Variants in MCTP1 observed in about 807,000 individuals in gnomAD.
MCTP1 encodes the protein multiple C2 and transmembrane domain containing 1.
A neutral mutation model predicts 120.6 loss-of-function variants in MCTP1; 69 were observed. The ratio of observed to expected loss-of-function variants is 0.57; its 90% confidence interval spans 0.47 to 0.70. The LOEUF (loss-of-function observed/expected upper bound fraction) is 0.70. Among genes scored for constraint, MCTP1 ranks in the 30% least tolerant of loss-of-function variants. MCTP1 has a pLI of 0.00. For missense variants in MCTP1, 1,203 were observed against 1,248.8 expected (o/e 0.96, Z 0.55); for synonymous variants, 529 against 493.1 (o/e 1.07, Z -0.96).
Position 94,912,875 on chromosome 5 carries a change from G to T in MCTP1, c.1452C>A (p.Ala484=). The change falls in exon 9 of 23, where the codon GCC becomes GCA. Residue 484 remains alanine, a synonymous_variant. Transcript: ENST00000515393. ...ITLIEGRDLK[A]MDSNGLSDPY... ...GATCGCTCAACCCGTTGGAATCCAT[G>T]GCCTTGAGGTCTCTCCCTTCAATCA... 1 of 1,598,350 alleles carries T rather than the reference G, an allele frequency of 6.3e-7. No individual in the cohort carries two copies. The highest frequency in any genetic ancestry group is 1.1e-5 in the South Asian group (1 of 88,662).
At position 94,932,862 on chromosome 5, in the gene MCTP1, G is replaced by T. The variant is rs180812803; in HGVS notation, c.1174-871C>A. Among the ~76,000 whole-genome samples, 66 of 152,024 alleles carry T rather than the reference G, an allele frequency of 4.3e-4. 1 individual carries two copies. The highest frequency in any genetic ancestry group is 6.8e-3 in the Middle Eastern group (2 of 294). ...TGCCATATTTGTGTATCAGGGAAAT[G>T]TACTTTAAGAACTGTATCTCTTTCA... On this transcript the variant is annotated intron_variant, in intron 5 of 22. Transcript: ENST00000515393.
chr5:95,207,407 T>C lies in MCTP1; in HGVS notation c.720+76449A>G, dbSNP rs188854516. Among the ~76,000 whole-genome samples, 365 of 152,248 alleles carry C rather than the reference T, an allele frequency of 2.4e-3. 2 individuals carry two copies. Among genetic ancestry groups the C allele is most frequent in the South Asian group, 0.017 (84 of 4,822 alleles). The stretch of plus-strand genomic sequence containing the variant: ...TGAAGAACACATATAGGGAGCTGTG[T>C]TTACCCCAATCTAGTGAAAATCACT... On this transcript the variant is annotated intron_variant, in intron 1 of 22. Coordinates refer to ENST00000515393, the MANE Select transcript of MCTP1 (RefSeq NM_024717.7).
chr5:94,947,575 TATAGAGAGAGAG>T lies in MCTP1; in HGVS notation c.982-5160_982-5149del, dbSNP rs1392259130. On this transcript the variant is annotated intron_variant, in intron 3 of 22. Coordinates refer to ENST00000515393, the MANE Select transcript of MCTP1 (RefSeq NM_024717.7). ...TACTAAATATATATATATATATATA[TATAGAGAGAGAG>T]AGAGAGAGAGAGAGAGAGAGAGAGA... 1.1e-3 allele frequency among the ~76,000 whole-genome samples: 52 copies of T among 47,404 alleles called. 1 individual carries two copies. The highest frequency in any genetic ancestry group is 1.4e-3 in the Non-Finnish European group (36 of 25,706). The allele number at this position is 47,404 out of a possible 152,430, so 31.1% of individuals were successfully genotyped here.
At chr5:95,254,851 A>G (rs1757719631) in intron 1 of MCTP1, among the ~76,000 whole-genome samples, 1 of 152,196 alleles carries the variant, frequency 6.6e-6, no homozygotes, top group Non-Finnish European at 1.5e-5. Flanking sequence ...GCATTGTTAT[A>G]CTAATTTGTA....
Position 95,284,146 on chromosome 5 carries a change from C to G in MCTP1, c.430G>C (p.Gly144Arg), listed in dbSNP as rs932372582. ...KGPAAASGAA[G>R]GTPPGGRSPD... ...GAGCGTCCGCCAGGAGGCGTCCCTC[C>G]CGCTGCTCCCGAGGCCGCCGCGGGC... is the stretch of plus-strand genomic sequence containing the variant. Residue 144 changes from glycine (G) to arginine (R), a missense_variant, in exon 1 of 23, where the codon GGA becomes CGA. Gly to Arg is a moderately radical substitution (Grantham distance 125). Coordinates refer to ENST00000515393, the MANE Select transcript of MCTP1 (RefSeq NM_024717.7). The surrounding 1 kb of genome is among the most constrained non-coding windows in gnomAD (Gnocchi z 5.2). The G allele has an allele frequency of 6.4e-7, 1 of 1,557,226 alleles. No homozygotes were observed. The highest frequency in any genetic ancestry group is 2.4e-5 in the East Asian group (1 of 41,714).
intron 5 of MCTP1, among the ~76,000 whole-genome samples, chr5:94,934,882 T>C (rs1238343147): frequency 6.6e-6 from 1 of 151,866 alleles, no homozygotes; most frequent in Non-Finnish European, 1.5e-5. Context: ...CTCACTTTTA[T>C]TTCACAAATT....
chr5:95,154,372 T>C (rs1271477516), intron 1 of MCTP1: 1 of 151,642 alleles, frequency 6.6e-6, no homozygotes, highest in Non-Finnish European at 1.5e-5. Flanking sequence ...GAAACCATTC[T>C]TAACCTTTGA....
chr5:95,058,537 C>A (rs1748032159), intron 1 of MCTP1, among the ~76,000 whole-genome samples: 1 of 152,218 alleles, frequency 6.6e-6, no homozygotes, highest in Non-Finnish European at 1.5e-5. Context: ...CCATTGCCTA[C>A]TTTCCAGAAC....
chr5:95,078,395 AC>A (rs1428919373), intron 1 of MCTP1, among the ~76,000 whole-genome samples: 2 of 152,208 alleles, frequency 1.3e-5, no homozygotes, highest in East Asian at 3.8e-4. Context: ...AAAAACAACA[AC>A]AAAAAAGGGA....
At chr5:95,141,806 A>G (rs146757104) in intron 1 of MCTP1, among the ~76,000 whole-genome samples, 1 of 152,032 alleles carries the variant, frequency 6.6e-6, no homozygotes, top group Non-Finnish European at 1.5e-5. Flanking sequence ...TTAGAGCAGG[A>G]TTTTTATTAA....
intron 11 of MCTP1, among the ~76,000 whole-genome samples, chr5:94,891,599 C>T (rs1464737552): frequency 6.6e-6 from 1 of 152,094 alleles, no homozygotes; most frequent in African/African-American, 2.4e-5. Flanking sequence ...ATATTGTCTT[C>T]AGGTGCTTCG....
At chr5:94,753,588 T>C (rs963338427) in intron 19 of MCTP1, among the ~76,000 whole-genome samples, 2 of 152,228 alleles carry the variant, frequency 1.3e-5, no homozygotes, top group African/African-American at 4.8e-5. Context: ...TCTGTAATAA[T>C]TACAGTGATG....
At chr5:95,083,005 C>T (rs1299513786) in intron 1 of MCTP1, among the ~76,000 whole-genome samples, 2 of 152,100 alleles carry the variant, frequency 1.3e-5, no homozygotes, top group Non-Finnish European at 2.9e-5. Context: ...AAATGTTCTT[C>T]TTTATTCATT....
chr5:94,766,347 A>C (rs927367738), intron 19 of MCTP1, among the ~76,000 whole-genome samples: 4 of 152,234 alleles, frequency 2.6e-5, no homozygotes, highest in African/African-American at 9.6e-5. Context: ...GCAGCCATAA[A>C]AATGGATGAG....
At chr5:95,257,796 T>TACACACATACACACAC (rs56080673) in intron 1 of MCTP1, among the ~76,000 whole-genome samples, 5,478 of 125,216 alleles carry the variant, frequency 0.044, 173 homozygotes, top group Middle Eastern at 0.068. Flanking sequence ...CCAGAAAACA[T>TACACACATACACACAC]ACACACACAC....
At chr5:94,718,782 C>T (rs1760145423) in intron 19 of MCTP1, among the ~76,000 whole-genome samples, 1 of 152,164 alleles carries the variant, frequency 6.6e-6, no homozygotes, top group Non-Finnish European at 1.5e-5. Context: ...CGCGATGGTG[C>T]AGTCTTGGCT....
chr5:94,918,310 G>T lies in MCTP1; in HGVS notation c.1273-337C>A, dbSNP rs567056890. On this transcript the variant is annotated intron_variant, in intron 7 of 22. Coordinates refer to ENST00000515393, the MANE Select transcript of MCTP1 (RefSeq NM_024717.7). ...AAATAACTATAGCAAGAGAAATCATGGAAAGAATAATTGTTTCCAAGTCTG... is the reference window on the plus strand; with the variant it reads ...AAATAACTATAGCAAGAGAAATCATTGAAAGAATAATTGTTTCCAAGTCTG... Among the ~76,000 whole-genome samples, 3 of 152,244 alleles carry T rather than the reference G, an allele frequency of 2.0e-5. No homozygotes were observed. In the East Asian group the frequency reaches 5.8e-4, roughly 29 times the overall value.
intron 18 of MCTP1, among the ~76,000 whole-genome samples, chr5:94,780,032 C>T (rs1776239946): frequency 6.6e-6 from 1 of 152,096 alleles, no homozygotes; most frequent in Non-Finnish European, 1.5e-5. Context: ...TACACATATG[C>T]ATGCCACAGA....
chr5:95,214,236 T>C (rs1329053234), intron 1 of MCTP1, among the ~76,000 whole-genome samples: 1 of 152,266 alleles, frequency 6.6e-6, no homozygotes, highest in Non-Finnish European at 1.5e-5. Context: ...AAAGAAGACA[T>C]TTATGCAGCC....
Sources: allele counts gnomAD v4.1 joint callset (sites outside exome capture counted in the v4.1 genomes callset), GRCh38; gene constraint gnomAD v4.1.1; non-coding constraint Gnocchi (gnomAD v3.1); transcripts MANE v1.5; gene names NCBI Gene and HGNC (gene_info 2026-07-23, HGNC 2026-07-21).